ZNF106: variants seen among roughly 807,000 people sequenced by gnomAD.
ZNF106 encodes the protein SH3-domain binding protein 3.
Under a neutral mutation model 195.1 loss-of-function variants are expected in ZNF106, and 67 were observed. The observed-to-expected ratio is 0.34, with a 90% CI of 0.28 to 0.42. The LOEUF (loss-of-function observed/expected upper bound fraction) is 0.42. ZNF106 is among the 10% of genes least tolerant of loss of function. The probability of loss-of-function intolerance (pLI) is 1.00; values close to 1 mark genes in which losing one functional copy is unlikely to be tolerated. For synonymous variants in ZNF106, 784 were observed against 818.6 expected (o/e 0.96, Z 0.72); for missense variants, 2,118 against 2,304.5 (o/e 0.92, Z 1.66).
intron 6 of ZNF106, among the ~76,000 whole-genome samples, chr15:42,447,163 G>A (rs1298898340): frequency 1.3e-5 from 2 of 152,202 alleles, no homozygotes; most frequent in Non-Finnish European, 2.9e-5. Flanking sequence ...GAGCAGAATT[G>A]CAATTTGAAG....
chr15:42,442,451 A>C (rs2055586524), intron 9 of ZNF106, 37 bp from the exon 10 acceptor site: 1 of 1,533,592 alleles, frequency 6.5e-7, no homozygotes, highest in Non-Finnish European at 8.8e-7. Flanking sequence ...AAATGCAAAA[A>C]TGTTATCTGA....
At chr15:42,428,834 G>A (rs1227307155) in intron 14 of ZNF106, among the ~76,000 whole-genome samples, 3 of 151,548 alleles carry the variant, frequency 2.0e-5, no homozygotes, top group Non-Finnish European at 2.9e-5. Flanking sequence ...TGCGATCTCG[G>A]CTCACTGCAA....
chr15:42,441,021 AT>A lies in ZNF106; in HGVS notation c.3763+1051del, dbSNP rs1555427629. On this transcript the variant is annotated intron_variant, in intron 10 of 21. Coordinates refer to ENST00000564754, the MANE Select transcript of ZNF106 (RefSeq NM_001366845.3). ...AAAATATATATATATATATATATATATATATATATATATATATATATATATA... is the reference window on the plus strand; with the variant it reads ...AAAATATATATATATATATATATATAATATATATATATATATATATATATA... Among the ~76,000 whole-genome samples, 4 of 46,260 alleles carry A rather than the reference AT, an allele frequency of 8.6e-5. No individual in the cohort carries two copies. In the South Asian group the frequency reaches 3.9e-3, roughly 45 times the overall value. The allele number at this position is 46,260 out of a possible 152,430, so 30.3% of individuals were successfully genotyped here.
intron 9 of ZNF106, among the ~76,000 whole-genome samples, chr15:42,443,286 T>C (rs1205452890): frequency 1.3e-5 from 2 of 152,108 alleles, no homozygotes; most frequent in African/African-American, 2.4e-5. Context: ...CCATAACATA[T>C]TGTCTGTTGC....
At chr15:42,460,860 C>CAA (rs34054288) in intron 3 of ZNF106, among the ~76,000 whole-genome samples, 4,746 of 110,496 alleles carry the variant, frequency 0.043, 225 homozygotes, top group East Asian at 0.11. Flanking sequence ...AACTCCGTCT[C>CAA]AAAAAAAAAA....
intron 10 of ZNF106, among the ~76,000 whole-genome samples, chr15:42,440,184 T>G (rs1386221357): frequency 6.6e-6 from 1 of 152,252 alleles, no homozygotes; most frequent in Non-Finnish European, 1.5e-5. Flanking sequence ...TTTGAAGTTT[T>G]CATTATCCAC....
chr15:42,422,424 G>A (rs2054697803), intron 18 of ZNF106, 77 bp downstream of exon 18: 2 of 1,534,404 alleles, frequency 1.3e-6, no homozygotes. Context: ...CCACCTTACT[G>A]TATCAAAAAT....
intron 1 of ZNF106, among the ~76,000 whole-genome samples, chr15:42,484,162 A>C (rs1458908253): frequency 2.6e-5 from 4 of 152,206 alleles, no homozygotes; most frequent in Admixed American, 6.5e-5. Flanking sequence ...AATTGTCACC[A>C]TACAATTTTT....
chr15:42,484,924 G>A (rs111574047), intron 1 of ZNF106, among the ~76,000 whole-genome samples: 82 of 152,244 alleles, frequency 5.4e-4, no homozygotes, highest in Admixed American at 1.2e-3. Flanking sequence ...CCTGGGAAGC[G>A]GAGGCGGGCG....
intron 2 of ZNF106, among the ~76,000 whole-genome samples, chr15:42,471,437 A>G (rs2141420802): frequency 6.6e-6 from 1 of 152,346 alleles, no homozygotes; most frequent in South Asian, 2.1e-4. Context: ...TAGGTCCTAA[A>G]AAGATGTTTT....
chr15:42,426,848 T>C (rs770166994), intron 15 of ZNF106, among the ~76,000 whole-genome samples: 4 of 152,254 alleles, frequency 2.6e-5, no homozygotes, highest in African/African-American at 7.2e-5. Context: ...CTTGTCTGCA[T>C]CTAAAATGCA....
intron 3 of ZNF106, among the ~76,000 whole-genome samples, chr15:42,457,860 G>C (rs2056282721): frequency 6.6e-6 from 1 of 152,238 alleles, no homozygotes; most frequent in African/African-American, 2.4e-5. Context: ...CTACAGTTGA[G>C]AGAGATGCAA....
chr15:42,418,078 C>A, intron 20 of ZNF106, 127 bp from the exon 21 acceptor site: 2 of 1,060,960 alleles, frequency 1.9e-6, no homozygotes, highest in South Asian at 2.3e-5. Flanking sequence ...CAAATTTATT[C>A]TTGGCTAGAA....
At chr15:42,470,630 G>GT (rs1337751037) in intron 2 of ZNF106, among the ~76,000 whole-genome samples, 1 of 152,072 alleles carries the variant, frequency 6.6e-6, no homozygotes, top group Admixed American at 6.6e-5. Context: ...AGAGATAAAA[G>GT]TATGTTTGAA....
Position 42,442,160 on chromosome 15 carries a change from G to A in ZNF106, c.3676C>T (p.Pro1226Ser). The A allele has an allele frequency of 6.2e-7, 1 of 1,614,174 alleles. No homozygotes were observed. The highest frequency in any genetic ancestry group is 8.5e-7 in the Non-Finnish European group (1 of 1,180,022). The part of the protein sequence containing the change: ...PDSSVQIKQE[P>S]MSPEQDENVN... ...TTCTCATCTTGTTCAGGAGACATGG[G>A]CTCTTGTTTAATCTGAACTGATGAG... is the stretch of plus-strand genomic sequence containing the variant. Residue 1226 changes from proline to serine, a missense_variant, in exon 10 of 22, where the codon CCC becomes TCC. Physicochemically the swap from Pro to Ser is moderately conservative, Grantham distance 74. Coordinates refer to ENST00000564754, the MANE Select transcript of ZNF106 (RefSeq NM_001366845.3).
intron 3 of ZNF106, among the ~76,000 whole-genome samples, chr15:42,460,665 A>G (rs2056367496): frequency 6.6e-6 from 1 of 152,224 alleles, no homozygotes; most frequent in African/African-American, 2.4e-5. Context: ...GTTCAAGACC[A>G]GCCTGACCAA....
intron 2 of ZNF106, among the ~76,000 whole-genome samples, chr15:42,469,184 T>C (rs1263019017): frequency 4.1e-5 from 6 of 146,052 alleles, no homozygotes; most frequent in Non-Finnish European, 9.1e-5. Context: ...AAACGCCGTC[T>C]AAAAAAAAAA....
At chr15:42,432,333 A>T (rs1321538143) in intron 14 of ZNF106, among the ~76,000 whole-genome samples, 2 of 151,658 alleles carry the variant, frequency 1.3e-5, no homozygotes, top group African/African-American at 4.8e-5. Flanking sequence ...TCATTTTTTT[A>T]TTTTTTGTGG....
At chr15:42,464,522 CTTTTTTTT>C (rs928173954) in intron 3 of ZNF106, among the ~76,000 whole-genome samples, 3 of 113,478 alleles carry the variant, frequency 2.6e-5, no homozygotes, top group East Asian at 2.6e-4. Flanking sequence ...ACACATGCTA[CTTTTTTTT>C]TTTTTTTTTT....
Sources: allele counts gnomAD v4.1 joint callset (sites outside exome capture counted in the v4.1 genomes callset), GRCh38; gene constraint gnomAD v4.1.1; transcripts MANE v1.5; gene names NCBI Gene and HGNC (gene_info 2026-07-23, HGNC 2026-07-21).